Variants in TNS1 observed in about 807,000 individuals in gnomAD.
TNS1 encodes the protein tensin 1, also known as tensin-1.
In TNS1, 62 loss-of-function variants were observed where a neutral mutation model predicts 168.6. The ratio of observed to expected loss-of-function variants is 0.37; its 90% CI spans 0.30 to 0.45. The LOEUF is 0.45. Among genes scored for constraint, TNS1 ranks in the 20% least tolerant of loss-of-function variants. The pLI is 1.00. For missense variants in TNS1, 2,240 were observed against 2,339.4 expected, an observed-to-expected ratio of 0.96 and a Z score of 0.88; for synonymous variants, 934 against 933.2, an observed-to-expected ratio of 1.00 and a Z score of -0.02.
intron 3 of TNS1, among the ~76,000 whole-genome samples, chr2:217,964,096 G>C (rs550966880): frequency 2.0e-4 from 30 of 152,102 alleles, no homozygotes; most frequent in African/African-American, 2.4e-4. Flanking sequence ...CTGGAGGTTC[G>C]GGAGGCCTCA....
At chr2:217,837,738 C>T (rs896255270) in intron 19 of TNS1, among the ~76,000 whole-genome samples, 1 of 152,228 alleles carries the variant, frequency 6.6e-6, no homozygotes, top group Non-Finnish European at 1.5e-5. Flanking sequence ...CAAACTGTTC[C>T]ACTTAAAGCA....
In TNS1 at chr2:217,821,767, G is replaced by A; in HGVS notation, c.3545C>T (p.Thr1182Ile). 2 of 1,503,934 alleles carry A rather than the reference G, an allele frequency of 1.3e-6. No homozygotes were observed. The highest frequency in any genetic ancestry group is 1.9e-4 in the Middle Eastern group (1 of 5,184). The allele number at this position is 1,503,934 out of a possible 1,614,324, so 93.2% of individuals were successfully genotyped here. A position where few individuals can be genotyped will look rare whatever the true frequency, so the allele number is the denominator to read the frequency against. ...GSFVSPSPLS[T>I]SSPILSADST... ...GTCAGCACTGAGGATGGGGCTGCTG[G>A]TGGAGAGGGGGCTGGGGGAGACAAA... Residue 1182 changes from threonine (T) to isoleucine (I), a missense_variant, in exon 23 of 33, where the codon ACC becomes ATC. Transcript: ENST00000682258.
At chr2:217,885,876 G>A (rs1951149308) in intron 14 of TNS1, 57 bp from the exon 15 acceptor site, 2 of 1,557,496 alleles carry the variant, frequency 1.3e-6, no homozygotes, top group Non-Finnish European at 1.8e-6. Context: ...GATGAGGGAG[G>A]GGCATTTTCT....
intron 2 of TNS1, among the ~76,000 whole-genome samples, chr2:217,982,913 T>C (rs897314192): frequency 2.6e-5 from 4 of 152,104 alleles, no homozygotes; most frequent in Non-Finnish European, 4.4e-5. Flanking sequence ...CCCTACCAAG[T>C]AATTAGTCAT....
intron 21 of TNS1, 43 bp downstream of exon 21, chr2:217,835,048 T>C (rs767047589): frequency 3.3e-6 from 5 of 1,521,958 alleles, no homozygotes; most frequent in Non-Finnish European, 4.4e-6. Context: ...GCTGAGGGGC[T>C]GGAGGGTACA....
intron 3 of TNS1, among the ~76,000 whole-genome samples, chr2:217,931,886 C>T (rs540079591): frequency 2.0e-5 from 3 of 152,174 alleles, no homozygotes; most frequent in Non-Finnish European, 4.4e-5. Flanking sequence ...CCCTATGCTG[C>T]CTGTATCACT....
At chr2:217,898,085 T>A in intron 7 of TNS1, 116 bp from the exon 8 acceptor site, 1 of 1,226,950 alleles carries the variant, frequency 8.2e-7, no homozygotes. Flanking sequence ...CCCAGGGTGC[T>A]TGGCTGCTCT....
At chr2:217,814,867 T>C (rs768454445) in intron 25 of TNS1, 45 bp downstream of exon 25, 10 of 1,532,444 alleles carry the variant, frequency 6.5e-6, no homozygotes, top group Non-Finnish European at 9.0e-6. Context: ...ACAGCAGGCC[T>C]CAGCCAGCTA....
At position 217,813,455 on chromosome 2, in the gene TNS1, G is replaced by T; in HGVS notation, c.4862-148C>A. ...GAACGTGGCTGGAGCCCCATGGACT[G>T]CAGAGCCCACTGCTGCTCTCCCACC... On this transcript the variant is annotated intron_variant, in intron 26 of 32. Coordinates refer to ENST00000682258, the MANE Select transcript of TNS1 (RefSeq NM_001387777.1). The surrounding 1 kb of genome is among the most constrained non-coding windows in gnomAD (Gnocchi z 4.0). 1.1e-6 allele frequency: 1 copy of T among 892,270 alleles called. No homozygotes were observed. Among genetic ancestry groups the T allele is most frequent in the Non-Finnish European group, 1.7e-6 (1 of 579,124 alleles). 55.3% of individuals were successfully genotyped at this position (892,270 alleles called of 1,614,324 possible). A position where few individuals can be genotyped will look rare whatever the true frequency, so the allele number is the denominator to read the frequency against.
At chr2:217,829,905 G>A (rs1944169021) in intron 22 of TNS1, 4 of 1,613,374 alleles carry the variant, frequency 2.5e-6, no homozygotes, top group Non-Finnish European at 2.5e-6. Context: ...GAGAAGAGAG[G>A]TGGGAGGAAG....
At chr2:217,898,216 T>A (rs938325088) in intron 7 of TNS1, among the ~76,000 whole-genome samples, 1 of 152,198 alleles carries the variant, frequency 6.6e-6, no homozygotes, top group African/African-American at 2.4e-5. Flanking sequence ...AGAACCAAAC[T>A]GTGATGACAC....
intron 1 of TNS1, among the ~76,000 whole-genome samples, chr2:218,025,576 G>T (rs187907217): frequency 6.9e-6 from 1 of 145,938 alleles, no homozygotes; most frequent in East Asian, 2.0e-4. Context: ...AAAATCCATT[G>T]CTGTGTTTGC....
At chr2:217,949,444 C>T (rs1034713357) in intron 3 of TNS1, among the ~76,000 whole-genome samples, 1 of 152,232 alleles carries the variant, frequency 6.6e-6, no homozygotes, top group African/African-American at 2.4e-5. Context: ...AGCATCACAC[C>T]TACCATCCCA....
At chr2:217,824,811 C>A (rs1240144565) in intron 22 of TNS1, among the ~76,000 whole-genome samples, 1 of 152,124 alleles carries the variant, frequency 6.6e-6, no homozygotes, top group Non-Finnish European at 1.5e-5. Flanking sequence ...ATGGCTACAC[C>A]CAGGTCCCCA....
At chr2:217,963,028 A>C (rs1957537679) in intron 3 of TNS1, among the ~76,000 whole-genome samples, 1 of 152,252 alleles carries the variant, frequency 6.6e-6, no homozygotes, top group Non-Finnish European at 1.5e-5. Flanking sequence ...CTATTTTTGC[A>C]AATTTTGTGT....
chr2:217,938,387 T>C (rs765387714), intron 3 of TNS1, among the ~76,000 whole-genome samples: 4 of 152,134 alleles, frequency 2.6e-5, no homozygotes, highest in Admixed American at 1.3e-4. Flanking sequence ...AGAGAGGGAT[T>C]GTGGCCAGGA....
intron 18 of TNS1, among the ~76,000 whole-genome samples, chr2:217,852,034 A>AT (rs1225548075): frequency 5.6e-4 from 85 of 152,138 alleles, no homozygotes; most frequent in Middle Eastern, 3.4e-3. Context: ...AATCCCAGCT[A>AT]CTCGGGAGGC....
intron 6 of TNS1, among the ~76,000 whole-genome samples, chr2:217,904,823 G>GC (rs1276709111): frequency 6.6e-6 from 1 of 152,252 alleles, no homozygotes; most frequent in African/African-American, 2.4e-5. Flanking sequence ...TGTGGGGACA[G>GC]CAGCTCTAGG....
chr2:218,012,186 G>A (rs972386523), upstream of TNS1, among the ~76,000 whole-genome samples: 12 of 152,198 alleles, frequency 7.9e-5, no homozygotes, highest in Middle Eastern at 6.3e-3. Flanking sequence ...GAGACAGAAG[G>A]AAATGGGGTT....
Sources: allele counts gnomAD v4.1 joint callset (sites outside exome capture counted in the v4.1 genomes callset), GRCh38; gene constraint gnomAD v4.1.1; non-coding constraint Gnocchi (gnomAD v3.1); transcripts MANE v1.5; gene names NCBI Gene and HGNC (gene_info 2026-07-23, HGNC 2026-07-21).